The following TNIK variants were observed in gnomAD, a reference collection of about 807,000 sequenced individuals.
The protein encoded by TNIK is TRAF2 and NCK-interacting protein kinase.
In TNIK, 49 loss-of-function variants were observed where a neutral mutation model predicts 191.3. That is an observed-to-expected ratio of 0.26 (90% CI 0.20 to 0.32). The LOEUF is 0.32. Ranked by LOEUF, TNIK falls within the 10% of genes least tolerant of loss-of-function variation. TNIK has a pLI of 1.00. For synonymous variants in TNIK, 594 were observed against 600.9 expected (o/e 0.99, Z 0.17); for missense variants, 1,155 against 1,702.3 (o/e 0.68, Z 5.66).
At chr3:171,099,516 T>C (rs964024959) in intron 22 of TNIK, among the ~76,000 whole-genome samples, 2 of 152,102 alleles carry the variant, frequency 1.3e-5, no homozygotes, top group Non-Finnish European at 2.9e-5. Context: ...CCAGACACCA[T>C]GGAACGTGTT....
chr3:171,113,639 A>G (rs559132218), intron 18 of TNIK, among the ~76,000 whole-genome samples: 25 of 151,720 alleles, frequency 1.6e-4, no homozygotes, highest in East Asian at 1.9e-4. Context: ...TTCAAGACCA[A>G]ATTTGTTGGT....
chr3:171,238,847 A>G (rs1480450496), intron 2 of TNIK, among the ~76,000 whole-genome samples: 1 of 152,230 alleles, frequency 6.6e-6, no homozygotes, highest in Non-Finnish European at 1.5e-5. Context: ...CTTGCTTAGT[A>G]GAATCTTACA....
intron 1 of TNIK, among the ~76,000 whole-genome samples, chr3:171,425,788 A>G (rs1355317230): frequency 6.6e-6 from 1 of 150,562 alleles, no homozygotes; most frequent in Non-Finnish European, 1.5e-5. Context: ...AGATCACGCC[A>G]CTGTACTACA....
At chr3:171,290,027 GA>G (rs1401098993) in intron 2 of TNIK, among the ~76,000 whole-genome samples, 1 of 152,126 alleles carries the variant, frequency 6.6e-6, no homozygotes, top group Non-Finnish European at 1.5e-5. Flanking sequence ...CTGCACAGTG[GA>G]AAAAACGAAT....
At chr3:171,253,480 G>A (rs559601117) in intron 2 of TNIK, among the ~76,000 whole-genome samples, 1 of 151,434 alleles carries the variant, frequency 6.6e-6, no homozygotes, top group South Asian at 2.1e-4. Context: ...GTCTCAACTT[G>A]CTCCTCTGCC....
intron 18 of TNIK, among the ~76,000 whole-genome samples, chr3:171,120,317 TTC>T (rs1344184782): frequency 3.4e-5 from 5 of 145,886 alleles, no homozygotes; most frequent in African/African-American, 1.4e-4. Context: ...TTTTTCTTTT[TTC>T]TTTCTTTTTT....
At chr3:171,312,653 A>G (rs1354411021) in intron 2 of TNIK, among the ~76,000 whole-genome samples, 1 of 152,100 alleles carries the variant, frequency 6.6e-6, no homozygotes, top group East Asian at 1.9e-4. Context: ...TCAATTTTTA[A>G]GTTCCTAAAA....
rs1721180029 is a variant in TNIK, at chr3:171,085,152, A to G, written c.2964T>C (p.Asp988=). ...ATGATTCCTCATCCTCTTCATCTTC[A>G]TCAGTGGGAGACGTCTGGTATACTC... ...DPRVYQTSPT[D]EDEEDEESSA... Residue 988 remains aspartate (D), a synonymous_variant, in exon 25 of 33, where the codon GAT becomes GAC. Transcript: ENST00000436636. The G allele has an allele frequency of 3.7e-6, 6 of 1,611,574 alleles. No individual in the cohort carries two copies. The highest frequency in any genetic ancestry group is 5.1e-6 in the Non-Finnish European group (6 of 1,179,020).
chr3:171,421,655 C>T (rs973286524), intron 1 of TNIK, among the ~76,000 whole-genome samples: 8 of 150,938 alleles, frequency 5.3e-5, no homozygotes, highest in African/African-American at 2.0e-4. Flanking sequence ...CGGAGCCAGG[C>T]TGGTTTGCTG....
intron 2 of TNIK, among the ~76,000 whole-genome samples, chr3:171,283,160 T>A (rs555612600): frequency 1.5e-4 from 21 of 141,948 alleles, no homozygotes; most frequent in Middle Eastern, 3.7e-3. Flanking sequence ...ATACCTACTT[T>A]AAAAAAAAAA....
chr3:171,434,714 C>G (rs552932139), intron 1 of TNIK, among the ~76,000 whole-genome samples: 6 of 152,344 alleles, frequency 3.9e-5, no homozygotes, highest in African/African-American at 1.4e-4. Flanking sequence ...CCCACCTTGG[C>G]CTCCCAAAAC....
intron 28 of TNIK, among the ~76,000 whole-genome samples, chr3:171,075,817 A>G (rs970691415): frequency 2.6e-5 from 4 of 151,370 alleles, no homozygotes; most frequent in Non-Finnish European, 5.9e-5. Flanking sequence ...GCTCACTGCA[A>G]CCTCCATCTC....
At chr3:171,217,563 AAAG>A (rs1277301482) in intron 3 of TNIK, among the ~76,000 whole-genome samples, 3 of 152,154 alleles carry the variant, frequency 2.0e-5, no homozygotes, top group Non-Finnish European at 4.4e-5. Context: ...AAAAAAAAGT[AAAG>A]AAGAAAAAAG....
At chr3:171,390,685 G>A (rs1459700636) in intron 1 of TNIK, among the ~76,000 whole-genome samples, 5 of 152,212 alleles carry the variant, frequency 3.3e-5, no homozygotes, top group Admixed American at 2.0e-4. Flanking sequence ...TGGTACATTA[G>A]CTTTCAGCTG....
chr3:171,365,205 A>G (rs1282726708), intron 2 of TNIK, among the ~76,000 whole-genome samples: 1 of 43,272 alleles, frequency 2.3e-5, no homozygotes, highest in Non-Finnish European at 5.5e-5. Flanking sequence ...TTTTTGAGAC[A>G]GAGTTTCGCT....
In TNIK at chr3:171,193,944, G is replaced by C. The variant is rs185404664; in HGVS notation, c.417+581C>G. ...TGATTGGGGGATGTGTGGGAAAACTGGGCAAACAGGCAGTCTTGTTCAGCT... is the reference window on the plus strand; with the variant it reads ...TGATTGGGGGATGTGTGGGAAAACTCGGCAAACAGGCAGTCTTGTTCAGCT... On this transcript the variant is annotated intron_variant, in intron 5 of 32. Coordinates refer to ENST00000436636, the MANE Select transcript of TNIK (RefSeq NM_015028.4). Among the ~76,000 whole-genome samples the C allele has an allele frequency of 2.6e-3, 395 of 152,264 alleles. 5 individuals carry two copies. The highest frequency in any genetic ancestry group is 9.0e-3 in the African/African-American group (375 of 41,568).
intron 23 of TNIK, among the ~76,000 whole-genome samples, chr3:171,088,650 G>A (rs1721668854): frequency 6.6e-6 from 1 of 152,202 alleles, no homozygotes; most frequent in African/African-American, 2.4e-5. Flanking sequence ...ATTACGTGAT[G>A]TAACAAGTTT....
intron 1 of TNIK, among the ~76,000 whole-genome samples, chr3:171,380,495 A>G (rs1717885608): frequency 6.6e-6 from 1 of 152,246 alleles, no homozygotes; most frequent in Non-Finnish European, 1.5e-5. Context: ...CCTGCTTACA[A>G]CAGACCAATG....
At chr3:171,413,578 C>G in intron 1 of TNIK, among the ~76,000 whole-genome samples, 1 of 152,208 alleles carries the variant, frequency 6.6e-6, no homozygotes, top group Non-Finnish European at 1.5e-5. Context: ...AAAGGACCTC[C>G]TCTTCCAGCA....
Sources: gnomAD v4.1 joint callset for allele counts (sites outside exome capture counted in the v4.1 genomes callset) on GRCh38, gnomAD v4.1.1 for gene constraint, MANE v1.5 for transcripts, NCBI Gene and HGNC (gene_info 2026-07-23, HGNC 2026-07-21) for gene names.